AIG1: variants seen among roughly 807,000 people sequenced by gnomAD.
AIG1 encodes the protein androgen-induced gene 1 protein.
AIG1 carries 23 observed loss-of-function variants against 31.4 expected under a neutral mutation model. The ratio of observed to expected loss-of-function variants is 0.73; its 90% CI spans 0.53 to 1.04. The LOEUF (loss-of-function observed/expected upper bound fraction) is 1.04. AIG1 is among the 50% of genes least tolerant of loss of function. The probability of loss-of-function intolerance (pLI) is 0.00; values close to 1 mark genes in which losing one functional copy is unlikely to be tolerated. For synonymous variants in AIG1, 100 were observed against 110.5 expected (o/e 0.90, Z 0.60); for missense variants, 274 against 295.0 (o/e 0.93, Z 0.52).
intron 3 of AIG1, among the ~76,000 whole-genome samples, chr6:143,209,110 A>G (rs1229228731): frequency 6.6e-6 from 1 of 152,206 alleles, no homozygotes; most frequent in Non-Finnish European, 1.5e-5. Flanking sequence ...GGCTGAAGCC[A>G]CCTCACCCCT....
intron 3 of AIG1, among the ~76,000 whole-genome samples, chr6:143,237,476 C>T (rs1793894993): frequency 6.6e-6 from 1 of 152,126 alleles, no homozygotes; most frequent in South Asian, 2.1e-4. Context: ...AAGAAAGATA[C>T]CATCTCTCTC....
At chr6:143,294,114 C>T (rs556185295) in intron 4 of AIG1, among the ~76,000 whole-genome samples, 1 of 152,300 alleles carries the variant, frequency 6.6e-6, no homozygotes, top group East Asian at 1.9e-4. Flanking sequence ...GCAATCCTTC[C>T]TTCTGGACTC....
At chr6:143,155,013 ATT>A (rs61017846) in intron 2 of AIG1, among the ~76,000 whole-genome samples, 204 of 123,928 alleles carry the variant, frequency 1.6e-3, no homozygotes, top group African/African-American at 4.1e-3. Flanking sequence ...ACATCTGGCT[ATT>A]TTTTTTTTTT....
intron 1 of AIG1, among the ~76,000 whole-genome samples, chr6:143,093,757 A>G (rs1259039537): frequency 6.6e-6 from 1 of 152,154 alleles, no homozygotes; most frequent in Non-Finnish European, 1.5e-5. Context: ...TAATAGGCCC[A>G]ATTTCAATAT....
intron 2 of AIG1, among the ~76,000 whole-genome samples, chr6:143,143,554 T>C (rs183541464): frequency 0.045 from 4,650 of 103,832 alleles, 274 homozygotes; most frequent in Admixed American, 0.15. Context: ...TATATATATA[T>C]ACACACACAC....
At chr6:143,156,007 A>G (rs1785708837) in intron 2 of AIG1, among the ~76,000 whole-genome samples, 1 of 152,200 alleles carries the variant, frequency 6.6e-6, no homozygotes. Flanking sequence ...TAGGGACATT[A>G]GAGCCTGAAG....
At chr6:143,201,824 G>C (rs1790719993) in intron 3 of AIG1, among the ~76,000 whole-genome samples, 1 of 152,140 alleles carries the variant, frequency 6.6e-6, no homozygotes, top group Non-Finnish European at 1.5e-5. Flanking sequence ...ACAATGATTT[G>C]GTGGAAAGAT....
intron 3 of AIG1, among the ~76,000 whole-genome samples, chr6:143,230,137 A>G (rs1793334490): frequency 6.6e-6 from 1 of 152,174 alleles, no homozygotes; most frequent in South Asian, 2.1e-4. Flanking sequence ...GTGAAAGTTT[A>G]AGATCCTTTA....
intron 3 of AIG1, among the ~76,000 whole-genome samples, chr6:143,215,413 AC>A (rs1791953205): frequency 6.6e-6 from 1 of 152,166 alleles, no homozygotes; most frequent in Non-Finnish European, 1.5e-5. Context: ...GTATGTGGCC[AC>A]CAACAATAAA....
chr6:143,120,243 C>T (rs944984780), intron 1 of AIG1, among the ~76,000 whole-genome samples: 3 of 152,046 alleles, frequency 2.0e-5, no homozygotes, highest in African/African-American at 7.2e-5. Flanking sequence ...CCAATATTTC[C>T]TTTTTTAAAA....
intron 1 of AIG1, among the ~76,000 whole-genome samples, chr6:143,119,658 C>CTCAGTGT (rs1554245477): frequency 1.3e-5 from 2 of 152,234 alleles, no homozygotes; most frequent in Non-Finnish European, 2.9e-5. Context: ...CCCTTCTCCA[C>CTCAGTGT]TCAGTGTTTC....
chr6:143,100,893 C>T (rs1780214550), intron 1 of AIG1, among the ~76,000 whole-genome samples: 1 of 152,036 alleles, frequency 6.6e-6, no homozygotes, highest in Admixed American at 6.6e-5. Flanking sequence ...CCATGTTGGC[C>T]AGGCTGGTCT....
intron 2 of AIG1, among the ~76,000 whole-genome samples, chr6:143,151,345 T>C (rs1446153325): frequency 6.6e-6 from 1 of 152,138 alleles, no homozygotes; most frequent in African/African-American, 2.4e-5. Context: ...AAATGGTTCA[T>C]AGAGAAAAAC....
intron 4 of AIG1, among the ~76,000 whole-genome samples, chr6:143,332,046 A>G (rs1777127716): frequency 6.6e-6 from 1 of 151,526 alleles, no homozygotes; most frequent in Non-Finnish European, 1.5e-5. Context: ...TAATTTTTGT[A>G]TTTTTAATAG....
intron 1 of AIG1, among the ~76,000 whole-genome samples, chr6:143,127,217 T>C (rs2128507806): frequency 6.6e-6 from 1 of 152,352 alleles, no homozygotes; most frequent in East Asian, 1.9e-4. Flanking sequence ...ATATGGGGAC[T>C]CTTCCAGGCC....
intron 3 of AIG1, among the ~76,000 whole-genome samples, chr6:143,273,795 G>T (rs755488484): frequency 5.9e-5 from 9 of 152,164 alleles, no homozygotes; most frequent in African/African-American, 1.4e-4. Flanking sequence ...CTGCCCCCAT[G>T]ATTCAATTTT....
chr6:143,221,356 A>G (rs929347093), intron 3 of AIG1, among the ~76,000 whole-genome samples: 3 of 151,936 alleles, frequency 2.0e-5, no homozygotes, highest in African/African-American at 7.3e-5. Flanking sequence ...GGCCCAATAC[A>G]AACCTGTTCA....
intron 3 of AIG1, among the ~76,000 whole-genome samples, chr6:143,254,068 G>A (rs532182367): frequency 6.6e-6 from 1 of 152,256 alleles, no homozygotes; most frequent in African/African-American, 2.4e-5. Context: ...TTCTGTGCAG[G>A]GAGAAAGCGC....
chr6:143,157,451 CTT>C lies in AIG1; in HGVS notation c.298-7620_298-7619del, dbSNP rs5880557. Among the ~76,000 whole-genome samples, 871 of 134,718 alleles carry C rather than the reference CTT, an allele frequency of 6.5e-3. 10 individuals carry two copies. The highest frequency in any genetic ancestry group is 0.024 in the African/African-American group (826 of 34,394). The allele number at this position is 134,718 out of a possible 152,430, so 88.4% of individuals were successfully genotyped here. A position where few individuals can be genotyped will look rare whatever the true frequency, so the allele number is the denominator to read the frequency against. ...TTTCCTCTCTTCTTTTTTTTTTTTC[CTT>C]TTTTTTTTTTGTGGCTCCTAGTGAT... On this transcript the variant is annotated intron_variant, in intron 2 of 5. Transcript: ENST00000357847.
Sources: gnomAD v4.1 joint callset for allele counts (sites outside exome capture counted in the v4.1 genomes callset) on GRCh38, gnomAD v4.1.1 for gene constraint, MANE v1.5 for transcripts, NCBI Gene and HGNC (gene_info 2026-07-23, HGNC 2026-07-21) for gene names.